The following ESR2 variants were observed in gnomAD, a reference collection of about 807,000 sequenced individuals.
ESR2 encodes the protein estrogen receptor 2.
ESR2 carries 36 observed loss-of-function variants against 49.6 expected under a neutral mutation model. The ratio of observed to expected loss-of-function variants is 0.73; its 90% CI spans 0.56 to 0.96. The LOEUF is 0.96. Ranked by LOEUF, ESR2 falls within the 40% of genes least tolerant of loss-of-function variation. ESR2 has a pLI of 0.00. For missense variants in ESR2, 714 were observed against 693.0 expected (o/e 1.03, Z -0.34); for synonymous variants, 320 against 266.1 (o/e 1.20, Z -1.97).
chr14:64,279,954 A>C (rs2076629840), intron 3 of ESR2, 27 bp downstream of exon 3: 2 of 1,591,602 alleles, frequency 1.3e-6, no homozygotes, highest in East Asian at 4.5e-5. Flanking sequence ...TAGGAAACTA[A>C]AGAAGCAGTT....
At chr14:64,228,097 T>C (rs2098723692), downstream of ESR2, 1 of 1,331,512 alleles carries the variant, frequency 7.5e-7, no homozygotes, top group Admixed American at 3.7e-5. Flanking sequence ...AAAGATGAAA[T>C]TGTTCTTTTT....
chr14:64,267,750 G>T (rs2076360696), intron 4 of ESR2, among the ~76,000 whole-genome samples: 1 of 151,766 alleles, frequency 6.6e-6, no homozygotes, highest in Admixed American at 6.6e-5. Flanking sequence ...CAGGCGTGGT[G>T]GTGGGTGCCT....
intron 4 of ESR2, among the ~76,000 whole-genome samples, chr14:64,266,806 T>C (rs2076338490): frequency 6.6e-6 from 1 of 152,194 alleles, no homozygotes; most frequent in Admixed American, 6.5e-5. Flanking sequence ...ATGGGTTTTT[T>C]TCCCCCAGTC....
At chr14:64,314,222 G>A (rs1007607029) in intron 1 of ESR2, among the ~76,000 whole-genome samples, 2 of 151,422 alleles carry the variant, frequency 1.3e-5, no homozygotes, top group East Asian at 1.9e-4. Flanking sequence ...ACAGATAACA[G>A]GAAAATCTCC....
chr14:64,315,136 C>T (rs547572358), intron 1 of ESR2, among the ~76,000 whole-genome samples: 4 of 148,314 alleles, frequency 2.7e-5, no homozygotes, highest in South Asian at 2.2e-4. Context: ...CCCAGCTACT[C>T]GGGAGGCTGA....
chr14:64,279,937 T>C (rs2076629518), intron 3 of ESR2, 44 bp downstream of exon 3: 1 of 1,552,532 alleles, frequency 6.4e-7, no homozygotes, highest in Non-Finnish European at 8.9e-7. Flanking sequence ...TTGTTTGAAA[T>C]CAAAAGTAGG....
intron 1 of ESR2, among the ~76,000 whole-genome samples, chr14:64,322,889 C>T (rs1412354988): frequency 1.1e-4 from 17 of 152,042 alleles, no homozygotes; most frequent in Admixed American, 1.1e-3. Context: ...TATATCATCC[C>T]TCAAAAGAGA....
upstream of ESR2, among the ~76,000 whole-genome samples, chr14:64,298,907 A>T (rs2076989731): frequency 6.6e-6 from 1 of 151,902 alleles, no homozygotes; most frequent in African/African-American, 2.4e-5. Context: ...TTTTGTCCTT[A>T]CTTCCAACTC....
intron 1 of ESR2, among the ~76,000 whole-genome samples, chr14:64,293,795 T>C (rs1310217391): frequency 6.6e-6 from 1 of 152,238 alleles, no homozygotes; most frequent in Non-Finnish European, 1.5e-5. Flanking sequence ...CAGTTATTCA[T>C]ATTAGCACAA....
rs375688515 is a variant in ESR2, at chr14:64,253,604, G to GTGTGTATA, written c.1091+3621_1091+3622insTATACACA. Among the ~76,000 whole-genome samples the GTGTGTATA allele has an allele frequency of 2.1e-3, 299 of 142,886 alleles. 3 individuals are homozygous for GTGTGTATA. Among genetic ancestry groups the GTGTGTATA allele is most frequent in the Middle Eastern group, 3.5e-3 (1 of 288 alleles). The allele number at this position is 142,886 out of a possible 152,430, so 93.7% of individuals were successfully genotyped here. A position where few individuals can be genotyped will look rare whatever the true frequency, so the allele number is the denominator to read the frequency against. ...TGTGTGTGTGTGTGTGTGTGTGTGTGTATGTATGTGTGTGTATATATATAT... is the reference window on the plus strand; with the variant it reads ...TGTGTGTGTGTGTGTGTGTGTGTGTGTGTGTATATATGTATGTGTGTGTATATATATAT... On this transcript the variant is annotated intron_variant, in intron 6 of 8. Coordinates refer to ENST00000341099, the MANE Select transcript of ESR2 (RefSeq NM_001437.3).
chr14:64,321,597 C>T (rs577164071), intron 1 of ESR2, among the ~76,000 whole-genome samples: 2 of 152,248 alleles, frequency 1.3e-5, no homozygotes, highest in East Asian at 3.9e-4. Flanking sequence ...TCCCCAATGA[C>T]AAGACACTAT....
At chr14:64,254,126 G>A (rs2076049461) in intron 6 of ESR2, among the ~76,000 whole-genome samples, 1 of 152,192 alleles carries the variant, frequency 6.6e-6, no homozygotes, top group South Asian at 2.1e-4. Flanking sequence ...AAGGGAAACA[G>A]AAATTATAGT....
At position 64,228,880 on chromosome 14, in the gene ESR2, C is replaced by T. The variant is rs144285001; in HGVS notation, c.*4257G>A. Among the ~76,000 whole-genome samples the T allele has an allele frequency of 1.1e-3, 160 of 152,326 alleles. No individual in the cohort carries two copies. Among genetic ancestry groups the T allele is most frequent in the Middle Eastern group, 3.4e-3 (1 of 292 alleles). On this transcript the variant is annotated 3_prime_UTR_variant, in exon 9 of 9. Transcript: ENST00000341099. ...ATCATACATCACAGACAATGCACATCTTAAGAGCTGCCACTGGAGCCAAAA... is the reference window on the plus strand; with the variant it reads ...ATCATACATCACAGACAATGCACATTTTAAGAGCTGCCACTGGAGCCAAAA...
At chr14:64,332,263 T>C (rs969064072) in intron 1 of ESR2, 3 of 152,188 alleles carry the variant, frequency 2.0e-5, no homozygotes, top group African/African-American at 7.2e-5. Flanking sequence ...TTTGAGTAAA[T>C]ATTTGTTTCC....
At chr14:64,318,859 A>G (rs2077291853) in intron 1 of ESR2, among the ~76,000 whole-genome samples, 1 of 152,102 alleles carries the variant, frequency 6.6e-6, no homozygotes, top group Admixed American at 6.6e-5. Context: ...CCTGGGCAAC[A>G]TGGTGCAATC....
chr14:64,238,763 A>C (rs1191844368), intron 7 of ESR2, among the ~76,000 whole-genome samples: 2 of 152,116 alleles, frequency 1.3e-5, no homozygotes, highest in East Asian at 1.9e-4. Flanking sequence ...TTTAAAAAAA[A>C]AAAACAAAAA....
At chr14:64,256,661 G>A (rs943529863) in intron 6 of ESR2, among the ~76,000 whole-genome samples, 7 of 152,020 alleles carry the variant, frequency 4.6e-5, no homozygotes, top group African/African-American at 7.3e-5. Context: ...TCCGGTAGGC[G>A]GAGGTTGCAG....
At chr14:64,317,508 A>T (rs1216884942) in intron 1 of ESR2, among the ~76,000 whole-genome samples, 1 of 152,108 alleles carries the variant, frequency 6.6e-6, no homozygotes, top group African/African-American at 2.4e-5. Context: ...ACACACTTTT[A>T]AATTAACCAG....
At chr14:64,260,098 C>T in intron 5 of ESR2, 3 of 492,036 alleles carry the variant, frequency 6.1e-6, no homozygotes, top group South Asian at 4.6e-5. Context: ...CAGATGTGGA[C>T]ACACAGGATA....
Sources: gnomAD v4.1 joint callset for allele counts (sites outside exome capture counted in the v4.1 genomes callset) on GRCh38, gnomAD v4.1.1 for gene constraint, MANE v1.5 for transcripts, NCBI Gene and HGNC (gene_info 2026-07-23, HGNC 2026-07-21) for gene names.